MUSK: variants seen among roughly 807,000 people sequenced by gnomAD.
The protein encoded by MUSK is muscle, skeletal receptor tyrosine-protein kinase.
Under a neutral mutation model 88.7 loss-of-function variants are expected in MUSK, and 55 were observed. The observed-to-expected ratio is 0.62, with a 90% CI of 0.50 to 0.78. The LOEUF is 0.78. Ranked by LOEUF, MUSK falls within the 30% of genes least tolerant of loss-of-function variation. MUSK has a pLI of 0.00. For synonymous variants in MUSK, 387 were observed against 391.9 expected, an observed-to-expected ratio of 0.99 and a Z score of 0.15; for missense variants, 1,015 against 1,074.3, an observed-to-expected ratio of 0.94 and a Z score of 0.77.
intron 5 of MUSK, chr9:110,728,417 T>C (rs2076917268): frequency 2.4e-6 from 1 of 416,802 alleles, no homozygotes; most frequent in Non-Finnish European, 4.3e-6. Context: ...AGAGCTACAT[T>C]GTTAGGTATG....
At chr9:110,700,238 TTTAA>T (rs1472937326) in intron 5 of MUSK, among the ~76,000 whole-genome samples, 1 of 152,226 alleles carries the variant, frequency 6.6e-6, no homozygotes, top group African/African-American at 2.4e-5. Flanking sequence ...GATTATCTTG[TTTAA>T]TTCTCACTAA....
At chr9:110,787,125 G>A (rs2077882491) in intron 13 of MUSK, among the ~76,000 whole-genome samples, 1 of 152,106 alleles carries the variant, frequency 6.6e-6, no homozygotes, top group African/African-American at 2.4e-5. Context: ...CAGTTTGGGA[G>A]GCCGAGGTGG....
chr9:110,689,005 TA>T (rs2076239108), intron 3 of MUSK, among the ~76,000 whole-genome samples: 2 of 143,440 alleles, frequency 1.4e-5, no homozygotes, highest in East Asian at 2.0e-4. Flanking sequence ...CTTAAATATA[TA>T]AAAACATATT....
intron 9 of MUSK, among the ~76,000 whole-genome samples, chr9:110,773,188 A>G (rs1010266542): frequency 2.0e-5 from 3 of 152,124 alleles, no homozygotes; most frequent in African/African-American, 7.2e-5. Flanking sequence ...AACAACTTAT[A>G]TATAACTTTA....
At chr9:110,705,043 T>C (rs2076579033) in intron 5 of MUSK, among the ~76,000 whole-genome samples, 1 of 151,986 alleles carries the variant, frequency 6.6e-6, no homozygotes, top group South Asian at 2.1e-4. Flanking sequence ...TTTTATACTT[T>C]ATGTAGGCCT....
intron 11 of MUSK, among the ~76,000 whole-genome samples, chr9:110,781,518 C>T (rs575118098): frequency 1.2e-3 from 179 of 152,290 alleles, no homozygotes; most frequent in Non-Finnish European, 1.9e-3. Flanking sequence ...CCTCGTGATT[C>T]ACCCGCCTTA....
chr9:110,706,171 A>G (rs781478129), intron 5 of MUSK: 7 of 489,622 alleles, frequency 1.4e-5, no homozygotes, highest in South Asian at 4.8e-5. Context: ...ATACAATGAT[A>G]AAACAAAAAT....
At chr9:110,776,457 C>T (rs1012259347) in intron 10 of MUSK, among the ~76,000 whole-genome samples, 175 bp from the exon 11 acceptor site, 2 of 152,192 alleles carry the variant, frequency 1.3e-5, no homozygotes, top group South Asian at 2.1e-4. Context: ...TTATCCCTAA[C>T]AGCTGGTTTA....
chr9:110,697,980 G>A (rs1030889160), intron 5 of MUSK, among the ~76,000 whole-genome samples: 10 of 151,404 alleles, frequency 6.6e-5, no homozygotes, highest in East Asian at 3.9e-4. Context: ...TATCAAAATC[G>A]TTTTTCTTTT....
intron 14 of MUSK, 25 bp from the exon 15 acceptor site, chr9:110,800,281 A>G (rs762584717): frequency 3.8e-6 from 6 of 1,579,534 alleles, no homozygotes; most frequent in Non-Finnish European, 5.2e-6. Context: ...AACTGAGACT[A>G]ACAGGGATGG....
chr9:110,746,840 C>G (rs532361555), intron 6 of MUSK, among the ~76,000 whole-genome samples: 1 of 152,264 alleles, frequency 6.6e-6, no homozygotes, highest in African/African-American at 2.4e-5. Flanking sequence ...GCCTCAGAGA[C>G]AGACTTGGCT....
intron 6 of MUSK, among the ~76,000 whole-genome samples, chr9:110,741,843 G>A (rs73655611): frequency 6.6e-6 from 1 of 152,042 alleles, no homozygotes; most frequent in African/African-American, 2.4e-5. Context: ...GGTTGTAAAT[G>A]CCCCTCTTTA....
Position 110,804,574 on chromosome 9 carries a change from C to G in MUSK, c.*3586C>G, listed in dbSNP as rs1183915666. On this transcript the variant is annotated 3_prime_UTR_variant, in exon 15 of 15. Transcript: ENST00000374448. Reference sequence around the variant, plus strand: ...CAATTGTCTACAGCCCATTTTTCTGCTGTGTTCATTTTCTAATCGAATTAT... The same window carrying G: ...CAATTGTCTACAGCCCATTTTTCTGGTGTGTTCATTTTCTAATCGAATTAT... Among the ~76,000 whole-genome samples, 1 of 151,908 alleles carries G rather than the reference C, an allele frequency of 6.6e-6. No homozygotes were observed. Among genetic ancestry groups the G allele is most frequent in the Non-Finnish European group, 1.5e-5 (1 of 67,890 alleles).
intron 9 of MUSK, among the ~76,000 whole-genome samples, chr9:110,772,682 T>C (rs2077597129): frequency 6.6e-6 from 1 of 152,130 alleles, no homozygotes; most frequent in African/African-American, 2.4e-5. Context: ...TTTGGTCCAA[T>C]AGTTTAATAG....
At chr9:110,775,501 T>C in intron 9 of MUSK, 1 of 392,328 alleles carries the variant, frequency 2.5e-6, no homozygotes, top group Non-Finnish European at 4.7e-6. Flanking sequence ...AGAAGACATA[T>C]CAGAGATTCC....
intron 2 of MUSK, among the ~76,000 whole-genome samples, chr9:110,686,354 C>A (rs2076196360): frequency 6.6e-6 from 1 of 152,016 alleles, no homozygotes; most frequent in Non-Finnish European, 1.5e-5. Context: ...TTAACATCTG[C>A]AAAATAAGGT....
chr9:110,747,391 T>C (rs1264616389), intron 6 of MUSK, among the ~76,000 whole-genome samples: 1 of 152,186 alleles, frequency 6.6e-6, no homozygotes, highest in Admixed American at 6.5e-5. Flanking sequence ...TAGTTTCTGC[T>C]CATTCATTCC....
At chr9:110,684,490 A>ATT (rs144949925) in intron 2 of MUSK, among the ~76,000 whole-genome samples, 5 of 148,228 alleles carry the variant, frequency 3.4e-5, no homozygotes, top group African/African-American at 7.4e-5. Flanking sequence ...AAATTTTAGG[A>ATT]TTTTTTTTTT....
chr9:110,736,951 A>G (rs549354441), intron 6 of MUSK, among the ~76,000 whole-genome samples: 31 of 152,100 alleles, frequency 2.0e-4, no homozygotes, highest in Admixed American at 4.6e-4. Flanking sequence ...GCTCCCTGAT[A>G]TCTAGTTCTT....
Sources: allele counts gnomAD v4.1 joint callset (sites outside exome capture counted in the v4.1 genomes callset), GRCh38; gene constraint gnomAD v4.1.1; transcripts MANE v1.5; gene names NCBI Gene and HGNC (gene_info 2026-07-23, HGNC 2026-07-21).